Variants in CACNA1H observed in about 807,000 individuals in gnomAD.
The protein encoded by CACNA1H is voltage-dependent T-type calcium channel subunit alpha-1H.
Under a neutral mutation model 192.5 loss-of-function variants are expected in CACNA1H, and 149 were observed. The ratio of observed to expected loss-of-function variants is 0.77; its 90% CI spans 0.68 to 0.89. The LOEUF is 0.89. Ranked by LOEUF, CACNA1H falls within the 40% of genes least tolerant of loss-of-function variation. The pLI, the probability that CACNA1H is intolerant of heterozygous loss-of-function variation, is 0.00. For synonymous variants in CACNA1H, 2,202 were observed against 1,475.2 expected (o/e 1.49, Z -11.29); for missense variants, 4,257 against 3,423.5 (o/e 1.24, Z -6.08).
At chr16:1,186,487 G>A (rs557544414) in intron 2 of CACNA1H, among the ~76,000 whole-genome samples, 7 of 152,210 alleles carry the variant, frequency 4.6e-5, no homozygotes, top group East Asian at 1.9e-4. Context: ...CTCTGCCCAC[G>A]TCCTGAGTGC....
At chr16:1,208,499 G>A (rs1969027464) in intron 16 of CACNA1H, among the ~76,000 whole-genome samples, 1 of 152,220 alleles carries the variant, frequency 6.6e-6, no homozygotes, top group African/African-American at 2.4e-5. Flanking sequence ...AGCAAGCAGG[G>A]GCAGAAGCGT....
In CACNA1H at chr16:1,216,923, CTT is replaced by C; in HGVS notation, c.5245-8_5245-7del. The C allele has an allele frequency of 6.3e-7, 1 of 1,598,308 alleles. No individual in the cohort carries two copies. The highest frequency in any genetic ancestry group is 8.5e-7 in the Non-Finnish European group (1 of 1,172,380). ...CCGTCTGACCCAGCTCTGCTTCTCTCTTGTGTAGGTGGGGAACCTGGGCCTTC... is the reference window on the plus strand; with the variant it reads ...CCGTCTGACCCAGCTCTGCTTCTCTCGTGTAGGTGGGGAACCTGGGCCTTC... On this transcript the variant is annotated splice_polypyrimidine_tract_variant and splice_region_variant and intron_variant, in intron 30 of 34. Coordinates refer to ENST00000348261, the MANE Select transcript of CACNA1H (RefSeq NM_021098.3).
intron 2 of CACNA1H, among the ~76,000 whole-genome samples, chr16:1,181,443 C>T (rs931558533): frequency 6.6e-6 from 1 of 152,226 alleles, no homozygotes; most frequent in African/African-American, 2.4e-5. Context: ...GCTCCAGTTC[C>T]GGCAGAACAT....
At chr16:1,200,922 G>A (rs577633128) in intron 8 of CACNA1H, 114 bp downstream of exon 8, 7 of 700,808 alleles carry the variant, frequency 1.0e-5, no homozygotes, top group South Asian at 3.1e-5. Context: ...GCTGAAGGGA[G>A]CACACAGGGG....
chr16:1,190,982 C>T (rs1449730127), intron 2 of CACNA1H, among the ~76,000 whole-genome samples: 7 of 146,214 alleles, frequency 4.8e-5, no homozygotes, highest in African/African-American at 7.9e-5. Context: ...CTCGGGGTTT[C>T]GGTGACCCAG....
At chr16:1,165,641 C>T (rs1009844424) in intron 2 of CACNA1H, among the ~76,000 whole-genome samples, 7 of 152,302 alleles carry the variant, frequency 4.6e-5, no homozygotes, top group African/African-American at 7.2e-5. Context: ...GGCACAGCTG[C>T]GTCCCCCCGA....
intron 8 of CACNA1H, 35 bp downstream of exon 8, chr16:1,200,843 CCTGGTGTTAGCTGG>C: frequency 6.6e-7 from 1 of 1,515,132 alleles, no homozygotes; most frequent in Non-Finnish European, 9.0e-7. Flanking sequence ...CATGATGGGC[CCTGGTGTTAGCTGG>C]CTGGGGGTGG....
chr16:1,161,572 G>T (rs1963202339), intron 2 of CACNA1H, among the ~76,000 whole-genome samples: 1 of 152,210 alleles, frequency 6.6e-6, no homozygotes, highest in South Asian at 2.1e-4. Flanking sequence ...CAGGAGGGGG[G>T]CTAGCGACCC....
At chr16:1,214,885 G>A (rs1222981797) in intron 27 of CACNA1H, 87 bp from the exon 28 acceptor site, 22 of 1,001,496 alleles carry the variant, frequency 2.2e-5, no homozygotes, top group East Asian at 1.8e-4. Flanking sequence ...GCCGGCCAGC[G>A]GGGGCACTCG....
chr16:1,209,981 G>A, intron 17 of CACNA1H, 54 bp from the exon 18 acceptor site: 4 of 1,360,428 alleles, frequency 2.9e-6, no homozygotes, highest in Non-Finnish European at 4.0e-6. Flanking sequence ...GGGCCCTGAT[G>A]GGGGGCCGGG....
intron 2 of CACNA1H, among the ~76,000 whole-genome samples, chr16:1,160,556 G>A (rs548097943): frequency 3.9e-5 from 6 of 152,198 alleles, no homozygotes; most frequent in African/African-American, 1.4e-4. Context: ...TGACAGATGG[G>A]GACGGAGTAG....
At chr16:1,176,027 G>A (rs1415446354) in intron 2 of CACNA1H, among the ~76,000 whole-genome samples, 1 of 152,216 alleles carries the variant, frequency 6.6e-6, no homozygotes, top group Non-Finnish European at 1.5e-5. Context: ...CCCGTTCGTG[G>A]AGGCGCCTCC....
At chr16:1,193,320 G>A (rs1966780065) in intron 2 of CACNA1H, among the ~76,000 whole-genome samples, 1 of 152,222 alleles carries the variant, frequency 6.6e-6, no homozygotes, top group Non-Finnish European at 1.5e-5. Context: ...ATCCACCATC[G>A]CTCCCTTGCA....
At chr16:1,196,341 C>T (rs1436418290) in intron 5 of CACNA1H, among the ~76,000 whole-genome samples, 4 of 152,236 alleles carry the variant, frequency 2.6e-5, no homozygotes, top group Non-Finnish European at 4.4e-5. Context: ...GGCTGGAGGC[C>T]GAGCAGATCC....
rs867334518 is a variant in CACNA1H, at chr16:1,211,989, C to T, written c.4610C>T (p.Ser1537Phe). 7 of 1,613,452 alleles carry T rather than the reference C, an allele frequency of 4.3e-6. No homozygotes were observed. Among genetic ancestry groups the T allele is most frequent in the East Asian group, 2.2e-5 (1 of 44,884 alleles). The part of the protein sequence containing the change: ...HNPWMLLYFI[S>F]FLLIVSFFVL... ...CCCTGGATGCTGCTGTACTTCATCTCCTTCCTGCTCATCGTCAGCTTCTTC... is the reference window on the plus strand; with the variant it reads ...CCCTGGATGCTGCTGTACTTCATCTTCTTCCTGCTCATCGTCAGCTTCTTC... The change falls in exon 25 of 35, where the codon TCC becomes TTC. Residue 1537 changes from serine to phenylalanine, a missense_variant. Transcript: ENST00000348261.
chr16:1,190,886 G>T, intron 2 of CACNA1H, among the ~76,000 whole-genome samples: 1 of 150,970 alleles, frequency 6.6e-6, no homozygotes. Flanking sequence ...CTCTGACCCA[G>T]CAGGCTGGCC....
intron 2 of CACNA1H, among the ~76,000 whole-genome samples, chr16:1,168,278 A>T (rs1340911911): frequency 6.6e-6 from 1 of 151,436 alleles, no homozygotes; most frequent in African/African-American, 2.4e-5. Context: ...CCATCCAGCA[A>T]CCCCCATCTC....
At chr16:1,213,471 C>T (rs992730999) in intron 26 of CACNA1H, among the ~76,000 whole-genome samples, 2 of 152,076 alleles carry the variant, frequency 1.3e-5, no homozygotes, top group African/African-American at 2.4e-5. Flanking sequence ...CCTGGCGCAA[C>T]CGCGTTGCTG....
At chr16:1,198,858 C>G (rs1354603252) in intron 6 of CACNA1H, 84 bp downstream of exon 6, 2 of 1,356,544 alleles carry the variant, frequency 1.5e-6, no homozygotes, top group Non-Finnish European at 1.0e-6. Flanking sequence ...CTCCACCGCC[C>G]CACGTGGCTC....
Sources: gnomAD v4.1 joint callset for allele counts (sites outside exome capture counted in the v4.1 genomes callset) on GRCh38, gnomAD v4.1.1 for gene constraint, MANE v1.5 for transcripts, NCBI Gene and HGNC (gene_info 2026-07-23, HGNC 2026-07-21) for gene names.